Variants in MARK3 observed in about 807,000 individuals in gnomAD.
MARK3 encodes microtubule affinity regulating kinase 3.
A neutral mutation model predicts 90.1 loss-of-function variants in MARK3; 46 were observed. The ratio of observed to expected loss-of-function variants is 0.51; its 90% CI spans 0.40 to 0.65. The LOEUF (loss-of-function observed/expected upper bound fraction) is 0.65. MARK3 is among the 30% of genes least tolerant of loss of function. The pLI, the probability that MARK3 is intolerant of heterozygous loss-of-function variation, is 0.00. For missense variants in MARK3, 818 were observed against 947.2 expected (o/e 0.86, Z 1.79); for synonymous variants, 321 against 332.6 (o/e 0.97, Z 0.38).
rs1338757137 is a variant in MARK3, at chr14:103,467,133, AGATGAAATAC to A, written c.1061_1070del (p.Tyr354SerfsTer146). On this transcript the variant is annotated frameshift_variant, in exon 11 of 18. Transcript: ENST00000429436. LOFTEE classifies it high-confidence loss of function. ...GAAGAAATTCAAGAATCTCTTAGTA[AGATGAAATAC>A]GATGAAATCACAGCTACATATTTGT... 6.2e-7 allele frequency: 1 copy of A among 1,603,708 alleles called. No homozygotes were observed. Among genetic ancestry groups the A allele is most frequent in the East Asian group, 2.2e-5 (1 of 44,782 alleles).
At chr14:103,403,773 A>G (rs563117065) in intron 1 of MARK3, among the ~76,000 whole-genome samples, 1 of 152,262 alleles carries the variant, frequency 6.6e-6, no homozygotes, top group South Asian at 2.1e-4. Context: ...TCTTTTATCA[A>G]CTCCATATTT....
chr14:103,467,674 C>CAAAAGAAA (rs2093537294), intron 11 of MARK3: 1 of 44,910 alleles, frequency 2.2e-5, no homozygotes, highest in Non-Finnish European at 3.6e-5. Flanking sequence ...GACTCTGTCT[C>CAAAAGAAA]AAAAAAAAAA....
intron 14 of MARK3, among the ~76,000 whole-genome samples, chr14:103,485,992 A>G (rs2093921769): frequency 1.3e-5 from 2 of 152,170 alleles, no homozygotes; most frequent in Admixed American, 6.5e-5. Context: ...ATTTCTATCA[A>G]TTAAGGTTTA....
At chr14:103,415,196 T>C (rs1056825881) in intron 2 of MARK3, among the ~76,000 whole-genome samples, 2 of 140,612 alleles carry the variant, frequency 1.4e-5, no homozygotes, top group Non-Finnish European at 3.1e-5. Flanking sequence ...AAAAACTATA[T>C]GTTCGTTGGA....
intron 13 of MARK3, among the ~76,000 whole-genome samples, chr14:103,476,010 A>T (rs1209835852): frequency 6.6e-6 from 1 of 151,748 alleles, no homozygotes; most frequent in Admixed American, 6.6e-5. Context: ...CACCTAAAAG[A>T]CTCATCTCCA....
At chr14:103,386,172 G>T in intron 1 of MARK3, 92 bp downstream of exon 1, 1 of 1,226,074 alleles carries the variant, frequency 8.2e-7, no homozygotes, top group Non-Finnish European at 1.2e-6. Context: ...CCCCCCAGCC[G>T]AACGCTCTGG....
chr14:103,408,986 G>T (rs948432254), intron 2 of MARK3, among the ~76,000 whole-genome samples: 2 of 152,082 alleles, frequency 1.3e-5, no homozygotes, highest in Non-Finnish European at 2.9e-5. Flanking sequence ...GTTCCCACCA[G>T]TTCCAGGTGG....
At chr14:103,390,577 A>AT (rs1441932241) in intron 1 of MARK3, among the ~76,000 whole-genome samples, 1 of 152,212 alleles carries the variant, frequency 6.6e-6, no homozygotes, top group Non-Finnish European at 1.5e-5. Flanking sequence ...ACAATAGCTG[A>AT]TAAGCTTTAA....
chr14:103,458,847 G>A (rs1235287361), intron 6 of MARK3: 1 of 607,476 alleles, frequency 1.6e-6, no homozygotes. Flanking sequence ...ATATTTTGCT[G>A]TTGCTTAAAT....
intron 15 of MARK3, among the ~76,000 whole-genome samples, chr14:103,497,810 T>TA (rs1362911622): frequency 1.3e-5 from 2 of 152,238 alleles, no homozygotes; most frequent in African/African-American, 4.8e-5. Flanking sequence ...GTTTATGTAA[T>TA]AAGGCAAGAT....
intron 16 of MARK3, 35 bp from the exon 17 acceptor site, chr14:103,500,121 C>T (rs1363309140): frequency 6.4e-7 from 1 of 1,572,248 alleles, no homozygotes; most frequent in Non-Finnish European, 8.7e-7. Flanking sequence ...TTTCTCTTTC[C>T]CTCTTCTCTC....
rs564760000 is a variant in MARK3, at chr14:103,477,019, C to G, written c.1482+1809C>G. ...GCTCTTGTCTACACACGCTGCCCTTCTGAAAGTGAATCATGAGTATTTTCA... is the reference window on the plus strand; with the variant it reads ...GCTCTTGTCTACACACGCTGCCCTTGTGAAAGTGAATCATGAGTATTTTCA... On this transcript the variant is annotated intron_variant, in intron 13 of 17. Coordinates refer to ENST00000429436, the MANE Select transcript of MARK3 (RefSeq NM_001128918.3). Among the ~76,000 whole-genome samples, 15 of 152,284 alleles carry G rather than the reference C, an allele frequency of 9.9e-5. No homozygotes were observed. The East Asian group carries it at 2.3e-3, about 23-fold the overall frequency.
intron 1 of MARK3, among the ~76,000 whole-genome samples, chr14:103,402,059 A>G (rs1266737100): frequency 2.0e-5 from 3 of 152,220 alleles, no homozygotes; most frequent in Non-Finnish European, 2.9e-5. Flanking sequence ...TTCGTTTAAC[A>G]TTCAGCAAAA....
chr14:103,500,505 A>C (rs1207594681), intron 17 of MARK3, among the ~76,000 whole-genome samples: 1 of 152,246 alleles, frequency 6.6e-6, no homozygotes, highest in East Asian at 1.9e-4. Flanking sequence ...CCCTCAGTTC[A>C]TCACTGACCC....
chr14:103,499,172 T>A (rs1382427572), intron 16 of MARK3: 1 of 152,224 alleles, frequency 6.6e-6, no homozygotes, highest in Non-Finnish European at 1.5e-5. Flanking sequence ...GGTGTTCTGA[T>A]TTTATTAATA....
rs2075780233 is a variant in MARK3, at chr14:103,503,513, CG to C, written c.*288del. On this transcript the variant is annotated 3_prime_UTR_variant, in exon 18 of 18. Transcript: ENST00000429436. Reference sequence around the variant, plus strand: ...CCGTCTGGGTGGGTGTGAGAGTGGACGGTATGTGTGTGAAGTGGTGTATATG... The same window carrying C: ...CCGTCTGGGTGGGTGTGAGAGTGGACGTATGTGTGTGAAGTGGTGTATATG... The C allele has an allele frequency of 2.3e-6, 1 of 431,116 alleles. No homozygotes were observed. The highest frequency in any genetic ancestry group is 4.2e-6 in the Non-Finnish European group (1 of 237,526). The allele number at this position is 431,116 out of a possible 1,614,324, so 26.7% of individuals were successfully genotyped here. A position where few individuals can be genotyped will look rare whatever the true frequency, so the allele number is the denominator to read the frequency against.
intron 3 of MARK3, among the ~76,000 whole-genome samples, chr14:103,444,574 C>G (rs997957541): frequency 6.6e-6 from 1 of 152,028 alleles, no homozygotes; most frequent in Non-Finnish European, 1.5e-5. Flanking sequence ...GTCAGGAGAT[C>G]GAGACCATCC....
intron 7 of MARK3, among the ~76,000 whole-genome samples, chr14:103,464,668 G>A (rs2093470219): frequency 6.6e-6 from 1 of 152,000 alleles, no homozygotes; most frequent in South Asian, 2.1e-4. Flanking sequence ...TAGCTATTTA[G>A]CCGTTTTTAT....
At chr14:103,460,146 C>T (rs968230254) in intron 6 of MARK3, among the ~76,000 whole-genome samples, 10 of 117,538 alleles carry the variant, frequency 8.5e-5, no homozygotes, top group African/African-American at 1.3e-4. Flanking sequence ...AGTGCAGTGG[C>T]GCGATCTCGG....
Sources: gnomAD v4.1 joint callset for allele counts (sites outside exome capture counted in the v4.1 genomes callset) on GRCh38, gnomAD v4.1.1 for gene constraint, MANE v1.5 for transcripts, NCBI Gene and HGNC (gene_info 2026-07-23, HGNC 2026-07-21) for gene names.